GRM5: variants seen among roughly 807,000 people sequenced by gnomAD.
GRM5 encodes the protein glutamate metabotropic receptor 5.
In GRM5, 19 loss-of-function variants were observed where a neutral mutation model predicts 83.1. The observed-to-expected ratio is 0.23, with a 90% CI of 0.16 to 0.34. The LOEUF is 0.34. Among genes scored for constraint, GRM5 ranks in the 10% least tolerant of loss-of-function variants. GRM5 has a pLI of 1.00. For missense variants in GRM5, 1,160 were observed against 1,588.3 expected (o/e 0.73, Z 4.58); for synonymous variants, 675 against 633.6 (o/e 1.07, Z -0.98).
chr11:88,645,745 T>C (rs887997622), intron 4 of GRM5, among the ~76,000 whole-genome samples: 5 of 152,044 alleles, frequency 3.3e-5, no homozygotes, highest in African/African-American at 1.2e-4. Flanking sequence ...TTTTAATATT[T>C]AAGGTGAGGG....
chr11:88,536,483 T>C lies in GRM5; in HGVS notation c.2631-11079A>G, dbSNP rs1308219379. ...CTCTCTTTCCCTTTGCCTCCCTGCC[T>C]TGAGACAGAATTTTTCTGACTTTAG... On this transcript the variant is annotated intron_variant, in intron 8 of 9. Transcript: ENST00000305447. 3.3e-5 allele frequency among the ~76,000 whole-genome samples: 5 copies of C among 152,216 alleles called. No homozygotes were observed. The East Asian group carries it at 9.6e-4, about 29-fold the overall frequency.
At chr11:88,895,835 C>A (rs1230776596) in intron 2 of GRM5, among the ~76,000 whole-genome samples, 1 of 151,924 alleles carries the variant, frequency 6.6e-6, no homozygotes, top group Non-Finnish European at 1.5e-5. Flanking sequence ...TGTAATTCAA[C>A]AAATGTTTAT....
chr11:88,785,721 A>G (rs1943056418), intron 3 of GRM5, among the ~76,000 whole-genome samples: 1 of 152,132 alleles, frequency 6.6e-6, no homozygotes, highest in South Asian at 2.1e-4. Context: ...TGATGAAGTG[A>G]AGCCTCAAAT....
intron 3 of GRM5, among the ~76,000 whole-genome samples, chr11:88,663,028 C>T (rs77145000): frequency 0.11 from 16,048 of 152,218 alleles, 1,579 homozygotes; most frequent in African/African-American, 0.25. Context: ...CTTTAAGCTT[C>T]TAATTTTGTT....
chr11:88,682,893 A>G (rs1251973134), intron 3 of GRM5, among the ~76,000 whole-genome samples: 1 of 148,736 alleles, frequency 6.7e-6, no homozygotes, highest in Non-Finnish European at 1.5e-5. Flanking sequence ...TGTCTGGCTC[A>G]TTATAGGTGC....
intron 2 of GRM5, among the ~76,000 whole-genome samples, chr11:88,978,344 C>A (rs1462389928): frequency 2.0e-5 from 3 of 151,932 alleles, no homozygotes; most frequent in Non-Finnish European, 4.4e-5. Flanking sequence ...CCTCCAAACT[C>A]ATCAAGTTGT....
chr11:88,745,378 G>C (rs1942115718), intron 3 of GRM5, among the ~76,000 whole-genome samples: 1 of 86,390 alleles, frequency 1.2e-5, no homozygotes, highest in African/African-American at 3.3e-5. Flanking sequence ...AGCTAATATT[G>C]TATTTTTTGT....
intron 2 of GRM5, among the ~76,000 whole-genome samples, chr11:88,983,162 A>C (rs1939583245): frequency 1.3e-5 from 2 of 152,218 alleles, no homozygotes; most frequent in African/African-American, 4.8e-5. Context: ...ACATTTTTTA[A>C]GTGTATGCTA....
Position 88,508,429 on chromosome 11 carries a change from C to T in GRM5, c.*163G>A, listed in dbSNP as rs566277. On this transcript the variant is annotated 3_prime_UTR_variant, in exon 10 of 10. Transcript: ENST00000305447. The surrounding 1 kb of genome is among the most constrained non-coding windows in gnomAD (Gnocchi z 4.2). ...AAAGATTTGTCGTCGGTTTCTTCGTCGGTTGTCATGAGATAGCACTACTGA... is the reference window on the plus strand; with the variant it reads ...AAAGATTTGTCGTCGGTTTCTTCGTTGGTTGTCATGAGATAGCACTACTGA... 1.2e-5 allele frequency: 6 copies of T among 502,590 alleles called. No homozygotes were observed. The highest frequency in any genetic ancestry group is 2.1e-5 in the Non-Finnish European group (6 of 290,798). 31.1% of individuals were successfully genotyped at this position (502,590 alleles called of 1,614,324 possible).
At chr11:88,697,789 C>T (rs1940936386) in intron 3 of GRM5, among the ~76,000 whole-genome samples, 2 of 152,202 alleles carry the variant, frequency 1.3e-5, no homozygotes, top group Non-Finnish European at 2.9e-5. Flanking sequence ...ATAGATTTCT[C>T]TTTGTATGCA....
chr11:88,687,581 T>TATTATATATA (rs1940678603), intron 3 of GRM5, among the ~76,000 whole-genome samples: 1 of 65,782 alleles, frequency 1.5e-5, no homozygotes, highest in Non-Finnish European at 2.4e-5. Context: ...ATATATATAA[T>TATTATATATA]ATATATATAT....
chr11:88,669,326 T>C (rs955454368), intron 3 of GRM5, among the ~76,000 whole-genome samples: 2 of 152,122 alleles, frequency 1.3e-5, no homozygotes, highest in African/African-American at 2.4e-5. Context: ...CTAAAAAAGA[T>C]AACTTCCTTA....
chr11:88,681,565 C>CTTTTTTTTTTTTCTT (rs1940489078), intron 3 of GRM5, among the ~76,000 whole-genome samples: 1 of 25,402 alleles, frequency 3.9e-5, no homozygotes, highest in African/African-American at 1.1e-4. Flanking sequence ...TGAGTTCTTC[C>CTTTTTTTTTTTTCTT]TTTTTTTTTT....
chr11:88,751,072 CAAAA>C (rs774458890), intron 3 of GRM5, among the ~76,000 whole-genome samples: 11,499 of 46,412 alleles, frequency 0.25, 450 homozygotes, highest in South Asian at 0.45. Context: ...TAGCAGAAGC[CAAAA>C]AAAAAAAAAA....
chr11:89,000,030 T>C (rs1199012381), intron 2 of GRM5, among the ~76,000 whole-genome samples: 1 of 151,950 alleles, frequency 6.6e-6, no homozygotes, highest in Non-Finnish European at 1.5e-5. Flanking sequence ...CAGGTGGGAA[T>C]TGAACAATGA....
chr11:89,007,534 C>G (rs1940563860), intron 2 of GRM5, among the ~76,000 whole-genome samples: 1 of 152,036 alleles, frequency 6.6e-6, no homozygotes, highest in South Asian at 2.1e-4. Context: ...AGCATAGATG[C>G]AAGACAAGAA....
chr11:88,651,693 G>C (rs1939637124), intron 4 of GRM5, among the ~76,000 whole-genome samples: 1 of 152,186 alleles, frequency 6.6e-6, no homozygotes, highest in East Asian at 1.9e-4. Flanking sequence ...AGGATCTGAA[G>C]TGGGAGAGAA....
chr11:88,748,715 C>G (rs556013629), intron 3 of GRM5, among the ~76,000 whole-genome samples: 2 of 152,070 alleles, frequency 1.3e-5, no homozygotes, highest in Admixed American at 6.6e-5. Context: ...CAGTACCCCC[C>G]CAGGACCAAG....
intron 2 of GRM5, among the ~76,000 whole-genome samples, chr11:88,875,601 T>G (rs1944840096): frequency 6.6e-6 from 1 of 152,086 alleles, no homozygotes; most frequent in South Asian, 2.1e-4. Context: ...CATAGATTAA[T>G]CTGAAGAATC....
Sources: allele counts gnomAD v4.1 joint callset (sites outside exome capture counted in the v4.1 genomes callset), GRCh38; gene constraint gnomAD v4.1.1; non-coding constraint Gnocchi (gnomAD v3.1); transcripts MANE v1.5; gene names NCBI Gene and HGNC (gene_info 2026-07-23, HGNC 2026-07-21).